ZNF286A: variants seen among roughly 807,000 people sequenced by gnomAD.
The protein encoded by ZNF286A is zinc finger protein ZNF286.
A neutral mutation model predicts 49.3 loss-of-function variants in ZNF286A; 34 were observed. That is an observed-to-expected ratio of 0.69 (90% CI 0.52 to 0.92). The LOEUF is 0.92. Among genes scored for constraint, ZNF286A ranks in the 40% least tolerant of loss-of-function variants. The pLI is 0.00. For missense variants in ZNF286A, 462 were observed against 600.2 expected (o/e 0.77, Z 2.41); for synonymous variants, 155 against 200.4 (o/e 0.77, Z 1.91).
At position 15,718,651 on chromosome 17, in the gene ZNF286A, T is replaced by C. The variant is rs1414147698; in HGVS notation, c.*1361T>C. On this transcript the variant is annotated 3_prime_UTR_variant, in exon 6 of 6. Transcript: ENST00000583566. ...CTCACAGGATAGTCCTCAACTGACT[T>C]GCTTGAGGATAAGCAGCTTCCCTTC... The C allele has an allele frequency of 1.3e-5, 2 of 151,432 alleles. No individual in the cohort carries two copies. Among genetic ancestry groups the C allele is most frequent in the Admixed American group, 6.6e-5 (1 of 15,210 alleles). The allele number at this position is 151,432 out of a possible 1,614,324, so 9.4% of individuals were successfully genotyped here.
intron 3 of ZNF286A, 69 bp from the exon 4 acceptor site, chr17:15,706,318 A>G (rs1049488160): frequency 7.5e-7 from 1 of 1,328,584 alleles, no homozygotes; most frequent in Non-Finnish European, 1.1e-6. Flanking sequence ...CTCCAGGGCC[A>G]GCAGAAACTG....
In ZNF286A at chr17:15,706,460, G is replaced by A. The variant is rs1475854020; in HGVS notation, c.200G>A (p.Arg67Lys). Residue 67 changes from arginine (R) to lysine (K), a missense_variant, in exon 4 of 6, where the codon AGG becomes AAG. By Grantham distance (26) the Arg-to-Lys change is conservative. Coordinates refer to ENST00000583566, the MANE Select transcript of ZNF286A (RefSeq NM_001130842.2). The part of the protein sequence containing the change: ...EEWGKLDPAQ[R>K]DVMLENYRNL... Reference sequence around the variant, plus strand: ...TGGGGGAAGCTGGATCCTGCACAAAGGGATGTGATGCTGGAGAACTATAGG... The same window carrying A: ...TGGGGGAAGCTGGATCCTGCACAAAAGGATGTGATGCTGGAGAACTATAGG... 2 of 1,613,212 alleles carry A rather than the reference G, an allele frequency of 1.2e-6. No homozygotes were observed. Among genetic ancestry groups the A allele is most frequent in the South Asian group, 2.2e-5 (2 of 90,920 alleles).
Position 15,716,448 on chromosome 17 carries a change from C to T in ZNF286A, c.724C>T (p.Pro242Ser), listed in dbSNP as rs143431495. ...KKQRTYKEKK[P>S]HKCNDCGELF... is the part of the protein sequence containing the mutation. ...GCAGAGAACTTATAAAGAGAAAAAA[C>T]CTCATAAATGTAATGATTGTGGTGA... The change falls in exon 6 of 6, where the codon CCT becomes TCT. Residue 242 changes from proline to serine, a missense_variant. By Grantham distance (74) the Pro-to-Ser change is moderately conservative. Transcript: ENST00000583566. 9.5e-5 allele frequency: 154 copies of T among 1,613,344 alleles called. No homozygotes were observed. Among genetic ancestry groups the T allele is most frequent in the Non-Finnish European group, 1.1e-4 (135 of 1,179,844 alleles).
In ZNF286A at chr17:15,700,297, C is replaced by G; in HGVS notation, c.-33C>G. On this transcript the variant is annotated 5_prime_UTR_variant, in exon 2 of 6. Transcript: ENST00000583566. Reference sequence around the variant, plus strand: ...GGGAGATCTGAATTGGGGTGAAGAGCAGAATCTCCAGAACAAGGAGGAGGT... The same window carrying G: ...GGGAGATCTGAATTGGGGTGAAGAGGAGAATCTCCAGAACAAGGAGGAGGT... The G allele has an allele frequency of 1.3e-6, 1 of 762,196 alleles. No individual in the cohort carries two copies. The highest frequency in any genetic ancestry group is 2.2e-6 in the Non-Finnish European group (1 of 447,096). 47.2% of individuals were successfully genotyped at this position (762,196 alleles called of 1,614,324 possible).
chr17:15,706,474 G>A lies in ZNF286A; in HGVS notation c.214G>A (p.Glu72Lys). The A allele has an allele frequency of 6.2e-7, 1 of 1,612,384 alleles. No homozygotes were observed. Among genetic ancestry groups the A allele is most frequent in the Non-Finnish European group, 8.5e-7 (1 of 1,179,244 alleles). ...LDPAQRDVML[E>K]NYRNLVSLWL... ...TCCTGCACAAAGGGATGTGATGCTGGAGAACTATAGGAACCTAGTCTCACT... is the reference window on the plus strand; with the variant it reads ...TCCTGCACAAAGGGATGTGATGCTGAAGAACTATAGGAACCTAGTCTCACT... Residue 72 changes from glutamate to lysine, a missense_variant, in exon 4 of 6, where the codon GAG (glutamate) becomes AAG (lysine). By Grantham distance (56) the Glu-to-Lys change is moderately conservative. Transcript: ENST00000583566.
chr17:15,707,246 C>A (rs1446904982), intron 4 of ZNF286A, among the ~76,000 whole-genome samples: 1 of 152,022 alleles, frequency 6.6e-6, no homozygotes, highest in East Asian at 1.9e-4. Flanking sequence ...CGAGACCATC[C>A]TGGCTAACAC....
rs939169396 is a variant in ZNF286A, at chr17:15,718,117, A to G, written c.*827A>G. The G allele has an allele frequency of 2.0e-5, 3 of 149,774 alleles. No homozygotes were observed. Among genetic ancestry groups the G allele is most frequent in the African/African-American group, 7.4e-5 (3 of 40,570 alleles). 9.3% of individuals were successfully genotyped at this position (149,774 alleles called of 1,614,324 possible). On this transcript the variant is annotated 3_prime_UTR_variant, in exon 6 of 6. Coordinates refer to ENST00000583566, the MANE Select transcript of ZNF286A (RefSeq NM_001130842.2). ...CCTGGCTAATTTTTTTTGTATTTTT[A>G]GTAGAGATGGGGTTTCACCATGTTA...
At chr17:15,707,256 C>T (rs1380018126) in intron 4 of ZNF286A, among the ~76,000 whole-genome samples, 6 of 151,826 alleles carry the variant, frequency 4.0e-5, no homozygotes, top group African/African-American at 9.7e-5. Context: ...CTGGCTAACA[C>T]GGTGAAACCC....
chr17:15,701,461 C>A, intron 3 of ZNF286A: 1 of 408,258 alleles, frequency 2.4e-6, no homozygotes, highest in Non-Finnish European at 4.4e-6. Flanking sequence ...TGTCCCTCAA[C>A]AGATAGGTAA....
At chr17:15,705,185 C>CA (rs1464207542) in intron 3 of ZNF286A, among the ~76,000 whole-genome samples, 1 of 152,146 alleles carries the variant, frequency 6.6e-6, no homozygotes, top group Non-Finnish European at 1.5e-5. Context: ...GCAAATAGCA[C>CA]AAAGAACTTG....
At chr17:15,712,783 T>C (rs1966865647) in intron 5 of ZNF286A, among the ~76,000 whole-genome samples, 1 of 152,180 alleles carries the variant, frequency 6.6e-6, no homozygotes. Context: ...TCAAATCTCA[T>C]CTTGTCATCA....
chr17:15,703,262 C>T (rs1408595963), intron 3 of ZNF286A, among the ~76,000 whole-genome samples: 7 of 150,790 alleles, frequency 4.6e-5, no homozygotes, highest in Non-Finnish European at 1.0e-4. Flanking sequence ...GTACCAGAAG[C>T]GTGAATATAT....
At chr17:15,713,066 C>G (rs1254527248) in intron 5 of ZNF286A, among the ~76,000 whole-genome samples, 1 of 152,124 alleles carries the variant, frequency 6.6e-6, no homozygotes, top group East Asian at 1.9e-4. Flanking sequence ...CAAGTTAAAA[C>G]AGAAAAATTT....
intron 5 of ZNF286A, among the ~76,000 whole-genome samples, chr17:15,714,815 GAATA>G (rs1268564855): frequency 2.0e-5 from 3 of 151,958 alleles, no homozygotes; most frequent in South Asian, 2.1e-4. Context: ...GATAGAAGAT[GAATA>G]GATAGATGAA....
At chr17:15,710,636 C>T (rs1166993632) in intron 5 of ZNF286A, among the ~76,000 whole-genome samples, 5 of 151,920 alleles carry the variant, frequency 3.3e-5, no homozygotes, top group African/African-American at 9.7e-5. Context: ...AAAGAAAATC[C>T]TTCCTGGATA....
chr17:15,716,597 A>G lies in ZNF286A; in HGVS notation c.873A>G (p.Arg291=), dbSNP rs1162322946. ...SHRANLTKHQ[R]THTRILFECS... ...GAGCTAATTTAACTAAACACCAGAG[A>G]ACTCATACTAGAATTCTCTTTGAAT... Residue 291 remains arginine (R), a synonymous_variant, in exon 6 of 6, where the codon AGA becomes AGG. Transcript: ENST00000583566. 2 of 1,614,092 alleles carry G rather than the reference A, an allele frequency of 1.2e-6. No individual in the cohort carries two copies. The highest frequency in any genetic ancestry group is 1.7e-6 in the Non-Finnish European group (2 of 1,179,994).
intron 5 of ZNF286A, among the ~76,000 whole-genome samples, chr17:15,713,320 GTTA>G (rs1966876256): frequency 6.6e-6 from 1 of 152,202 alleles, no homozygotes; most frequent in Non-Finnish European, 1.5e-5. Flanking sequence ...ACCAAAAAAT[GTTA>G]TTAAGAAGTA....
At chr17:15,707,545 C>T (rs1359091973) in intron 4 of ZNF286A, among the ~76,000 whole-genome samples, 1 of 152,018 alleles carries the variant, frequency 6.6e-6, no homozygotes, top group Non-Finnish European at 1.5e-5. Flanking sequence ...GTGGTGCTGC[C>T]ATTGAGGTCC....
chr17:15,705,512 A>G (rs1990165899), intron 3 of ZNF286A, among the ~76,000 whole-genome samples: 1 of 151,694 alleles, frequency 6.6e-6, no homozygotes, highest in Admixed American at 6.6e-5. Flanking sequence ...TTTTTTTCCT[A>G]TTTTATTTCA....
Sources: gnomAD v4.1 joint callset for allele counts (sites outside exome capture counted in the v4.1 genomes callset) on GRCh38, gnomAD v4.1.1 for gene constraint, MANE v1.5 for transcripts, NCBI Gene and HGNC (gene_info 2026-07-23, HGNC 2026-07-21) for gene names.